Variants in TNFRSF8 observed in about 807,000 individuals in gnomAD.
TNFRSF8 encodes the protein tumor necrosis factor receptor superfamily member 8.
TNFRSF8 carries 26 observed loss-of-function variants against 70.8 expected under a neutral mutation model. The ratio of observed to expected loss-of-function variants is 0.37; its 90% confidence interval spans 0.27 to 0.51. The LOEUF (loss-of-function observed/expected upper bound fraction) is 0.51, where lower values mean the gene tolerates loss of function less well. Ranked by LOEUF, TNFRSF8 falls within the 20% of genes least tolerant of loss-of-function variation. The pLI is 0.94. For missense variants in TNFRSF8, 720 were observed against 807.9 expected, an observed-to-expected ratio of 0.89 and a Z score of 1.32; for synonymous variants, 356 against 339.2, an observed-to-expected ratio of 1.05 and a Z score of -0.54.
chr1:12,126,479 A>T (rs373872021), intron 12 of TNFRSF8, among the ~76,000 whole-genome samples: 1 of 152,288 alleles, frequency 6.6e-6, no homozygotes, highest in East Asian at 1.9e-4. Context: ...CCAGAGCAGC[A>T]CCTGGATGGA....
intron 14 of TNFRSF8, among the ~76,000 whole-genome samples, chr1:12,139,753 G>A (rs1185375447): frequency 6.6e-6 from 1 of 152,182 alleles, no homozygotes; most frequent in East Asian, 1.9e-4. Context: ...TATTTTTTCA[G>A]CCTCCTGAGT....
intron 1 of TNFRSF8, among the ~76,000 whole-genome samples, chr1:12,067,750 A>G (rs1252040307): frequency 1.3e-5 from 2 of 152,172 alleles, no homozygotes; most frequent in Non-Finnish European, 2.9e-5. Flanking sequence ...ATTTAACTTT[A>G]AAAGCTTAGC....
intron 13 of TNFRSF8, among the ~76,000 whole-genome samples, chr1:12,137,130 T>C (rs919208358): frequency 6.6e-6 from 1 of 152,124 alleles, no homozygotes; most frequent in Non-Finnish European, 1.5e-5. Flanking sequence ...TAAGCTGTGG[T>C]TCCTGGTAGA....
chr1:12,123,473 T>C, intron 9 of TNFRSF8, 96 bp downstream of exon 9: 1 of 1,233,586 alleles, frequency 8.1e-7, no homozygotes, highest in Non-Finnish European at 1.1e-6. Context: ...GGGCTGGGGG[T>C]GGAGGTGGGG....
chr1:12,103,742 C>T (rs956519785), intron 3 of TNFRSF8, among the ~76,000 whole-genome samples: 2 of 152,178 alleles, frequency 1.3e-5, no homozygotes, highest in Admixed American at 6.5e-5. Context: ...ATCCTCCTGC[C>T]TCGGCCTCCC....
At position 12,138,482 on chromosome 1, in the gene TNFRSF8, T is replaced by A. The variant is rs1642193549; in HGVS notation, c.1543+46T>A. 6.4e-7 allele frequency: 1 copy of A among 1,561,016 alleles called. No individual in the cohort carries two copies. Among genetic ancestry groups the A allele is most frequent in the East Asian group, 2.3e-5 (1 of 43,674 alleles). Reference sequence around the variant, plus strand: ...AGGTCCCCTGCAGCCCAGGGGCAGATGGGAGATGAATACGGGGCCCTGGGC... The same window carrying A: ...AGGTCCCCTGCAGCCCAGGGGCAGAAGGGAGATGAATACGGGGCCCTGGGC... On this transcript the variant is annotated intron_variant, in intron 14 of 14. Coordinates refer to ENST00000263932, the MANE Select transcript of TNFRSF8 (RefSeq NM_001243.5). This position sits in a 1 kb window ranked among gnomAD's most constrained non-coding sequence, Gnocchi z 5.7.
At chr1:12,070,402 C>T (rs1640821811) in intron 1 of TNFRSF8, among the ~76,000 whole-genome samples, 1 of 152,136 alleles carries the variant, frequency 6.6e-6, no homozygotes, top group Non-Finnish European at 1.5e-5. Context: ...AGGCGCCCGC[C>T]ACCACGCCTG....
In TNFRSF8 at chr1:12,088,670, A is replaced by G. The variant is rs922541513; in HGVS notation, c.151+4119A>G. On this transcript the variant is annotated intron_variant, in intron 2 of 14. Transcript: ENST00000263932. This position sits in a 1 kb window ranked among gnomAD's most constrained non-coding sequence, Gnocchi z 4.0. ...AGGCCTGCCCAGGTTCAGGGGAAGGATGTGAGGCCAGGCCAAGTGTTAGGT... is the reference window on the plus strand; with the variant it reads ...AGGCCTGCCCAGGTTCAGGGGAAGGGTGTGAGGCCAGGCCAAGTGTTAGGT... 6.6e-6 allele frequency among the ~76,000 whole-genome samples: 1 copy of G among 152,184 alleles called. No homozygotes were observed. The highest frequency in any genetic ancestry group is 2.4e-5 in the African/African-American group (1 of 41,458).
chr1:12,075,907 C>G (rs918319716), intron 1 of TNFRSF8, among the ~76,000 whole-genome samples: 1 of 152,182 alleles, frequency 6.6e-6, no homozygotes, highest in African/African-American at 2.4e-5. Context: ...GGAGACATGC[C>G]AGCCCTGAGA....
rs141539189 is a variant in TNFRSF8, at chr1:12,138,248, C to T, written c.1355C>T (p.Ser452Leu). ...CCACAGCAGCTGAGGAGTGGTGCGT[C>T]GGTGACAGAACCCGTCGCGGAAGAG... ...RSSTQLRSGA[S>L]VTEPVAEERG... is the part of the protein sequence containing the mutation. The change falls in exon 14 of 15, where the codon TCG becomes TTG. Residue 452 changes from serine (S) to leucine (L), a missense_variant. Coordinates refer to ENST00000263932, the MANE Select transcript of TNFRSF8 (RefSeq NM_001243.5). This position sits in a 1 kb window ranked among gnomAD's most constrained non-coding sequence, Gnocchi z 5.7. 3,186 of 1,613,478 alleles carry T rather than the reference C, an allele frequency of 2.0e-3. 5 individuals carry two copies. The highest frequency in any genetic ancestry group is 2.5e-3 in the Non-Finnish European group (2,893 of 1,179,902).
intron 12 of TNFRSF8, among the ~76,000 whole-genome samples, chr1:12,127,638 G>A (rs563788412): frequency 3.9e-5 from 6 of 152,342 alleles, no homozygotes; most frequent in South Asian, 4.1e-4. Context: ...TGAATTTGAC[G>A]AGTTTCACAA....
At chr1:12,130,624 C>T (rs114962898) in intron 12 of TNFRSF8, among the ~76,000 whole-genome samples, 2,694 of 152,318 alleles carry the variant, frequency 0.018, 48 homozygotes, top group South Asian at 0.034. Flanking sequence ...TGGAGAATAA[C>T]AGGGATGGAA....
rs1570096761 is a variant in TNFRSF8, at chr1:12,142,872, C to T, written c.*341C>T. The T allele has an allele frequency of 4.2e-6, 1 of 238,226 alleles. No homozygotes were observed. The highest frequency in any genetic ancestry group is 8.2e-6 in the Non-Finnish European group (1 of 122,246). 14.8% of individuals were successfully genotyped at this position (238,226 alleles called of 1,614,324 possible). The stretch of plus-strand genomic sequence containing the variant: ...GGTCCCAGAGCCCTGGGCATCAGAC[C>T]TTAACCACCAGGCCCACAGCCCAGC... On this transcript the variant is annotated 3_prime_UTR_variant, in exon 15 of 15. Transcript: ENST00000263932. This position sits in a 1 kb window ranked among gnomAD's most constrained non-coding sequence, Gnocchi z 5.0.
At chr1:12,136,624 C>T (rs1232363651) in intron 13 of TNFRSF8, among the ~76,000 whole-genome samples, 6 of 143,680 alleles carry the variant, frequency 4.2e-5, no homozygotes, top group African/African-American at 1.0e-4. Context: ...TCTCCCAGCC[C>T]GGGTAACAGA....
At chr1:12,120,814 A>G (rs773640007) in intron 8 of TNFRSF8, among the ~76,000 whole-genome samples, 2 of 152,204 alleles carry the variant, frequency 1.3e-5, no homozygotes, top group Non-Finnish European at 2.9e-5. Flanking sequence ...GGGGAGGATC[A>G]CTGACTCAGG....
Position 12,067,562 on chromosome 1 carries a change from G to A in TNFRSF8, c.63+3901G>A, listed in dbSNP as rs189375488. On this transcript the variant is annotated intron_variant, in intron 1 of 14. Coordinates refer to ENST00000263932, the MANE Select transcript of TNFRSF8 (RefSeq NM_001243.5). ...AAATTAGCTGGGCATGGTGGCAGGC[G>A]CCTGTAATCCCAGCTACTCAGGAGG... Among the ~76,000 whole-genome samples, 382 of 152,076 alleles carry A rather than the reference G, an allele frequency of 2.5e-3. 4 individuals carry two copies. In the East Asian group the frequency reaches 0.029, roughly 12 times the overall value.
At chr1:12,120,810 G>C (rs530351848) in intron 8 of TNFRSF8, among the ~76,000 whole-genome samples, 1 of 152,280 alleles carries the variant, frequency 6.6e-6, no homozygotes, top group East Asian at 1.9e-4. Context: ...AAAAGGGGAG[G>C]ATCACTGACT....
At chr1:12,136,726 T>A (rs2101045416) in intron 13 of TNFRSF8, among the ~76,000 whole-genome samples, 1 of 152,056 alleles carries the variant, frequency 6.6e-6, no homozygotes, top group Non-Finnish European at 1.5e-5. Context: ...GTATTAAGGT[T>A]GGTGCCATTT....
intron 1 of TNFRSF8, among the ~76,000 whole-genome samples, chr1:12,068,876 C>CT (rs751437847): frequency 0.064 from 9,209 of 144,440 alleles, 325 homozygotes; most frequent in East Asian, 0.13. Flanking sequence ...CTTTTTCTTT[C>CT]TTTTTTTTTT....
Sources: allele counts gnomAD v4.1 joint callset (sites outside exome capture counted in the v4.1 genomes callset), GRCh38; gene constraint gnomAD v4.1.1; non-coding constraint Gnocchi (gnomAD v3.1); transcripts MANE v1.5; gene names NCBI Gene and HGNC (gene_info 2026-07-23, HGNC 2026-07-21).